Variants in RPS27L observed in about 807,000 individuals in gnomAD.
RPS27L encodes the protein ribosomal protein S27 like, also known as ribosomal protein eS27-like.
In RPS27L, 10 loss-of-function variants were observed where a neutral mutation model predicts 12.8. The ratio of observed to expected loss-of-function variants is 0.78; its 90% confidence interval spans 0.48 to 1.33. The LOEUF is 1.33. RPS27L is among the 40% of genes most tolerant of loss of function. The pLI, the probability that RPS27L is intolerant of heterozygous loss-of-function variation, is 0.00. For missense variants in RPS27L, 81 were observed against 97.4 expected, an observed-to-expected ratio of 0.83 and a Z score of 0.71; for synonymous variants, 26 against 32.3, an observed-to-expected ratio of 0.81 and a Z score of 0.66.
Position 63,153,565 on chromosome 15 carries a change from T to C in RPS27L, c.*467A>G, listed in dbSNP as rs28434769. ...TATTTAGGGTTTCTACTCTTGAAAA[T>C]GAGACACAAATTAGCCAGGCATGGT... On this transcript the variant is annotated 3_prime_UTR_variant, in exon 4 of 4. Transcript: ENST00000330964. 0.13 allele frequency: 19,685 copies of C among 153,074 alleles called. 1,690 individuals carry two copies. Among genetic ancestry groups the C allele is most frequent in the East Asian group, 0.47 (2,441 of 5,170 alleles). 9.5% of individuals were successfully genotyped at this position (153,074 alleles called of 1,614,324 possible). A position where few individuals can be genotyped will look rare whatever the true frequency, so the allele number is the denominator to read the frequency against.
In RPS27L at chr15:63,155,299, T is replaced by TAATA. The variant is rs548459666; in HGVS notation, c.226+318_226+321dup. On this transcript the variant is annotated intron_variant, in intron 3 of 3. Transcript: ENST00000330964. ...CGAGACTCCTAATAAAAAAAAAAAATAATAAATAAATAAATAAATAAATCT... is the reference window on the plus strand; with the variant it reads ...CGAGACTCCTAATAAAAAAAAAAAATAATAAATAAATAAATAAATAAATAAATCT... 39 of 227,246 alleles carry TAATA rather than the reference T, an allele frequency of 1.7e-4. 1 individual carries two copies. The highest frequency in any genetic ancestry group is 1.5e-3 in the Admixed American group (26 of 17,726). The allele number at this position is 227,246 out of a possible 1,614,324, so 14.1% of individuals were successfully genotyped here. A position where few individuals can be genotyped will look rare whatever the true frequency, so the allele number is the denominator to read the frequency against.
At position 63,153,809 on chromosome 15, in the gene RPS27L, G is replaced by A; in HGVS notation, c.*223C>T. 1 of 499,234 alleles carries A rather than the reference G, an allele frequency of 2.0e-6. No individual in the cohort carries two copies. The highest frequency in any genetic ancestry group is 2.9e-5 in the South Asian group (1 of 34,176). 30.9% of individuals were successfully genotyped at this position (499,234 alleles called of 1,614,324 possible). On this transcript the variant is annotated 3_prime_UTR_variant, in exon 4 of 4. Coordinates refer to ENST00000330964, the MANE Select transcript of RPS27L (RefSeq NM_015920.4). ...ATTCATATACACCATATATATAAAT[G>A]TATGGCATACTCAAATATATTTTAA... is the stretch of plus-strand genomic sequence containing the variant.
At chr15:63,155,782 A>G (rs1363485198) in intron 2 of RPS27L, 51 bp from the exon 3 acceptor site, 1 of 1,089,014 alleles carries the variant, frequency 9.2e-7, no homozygotes, top group Non-Finnish European at 1.3e-6. Flanking sequence ...GGAAAACAGC[A>G]CCTGTTCGAC....
intron 1 of RPS27L, 196 bp downstream of exon 1, chr15:63,157,204 C>G (rs2037338201): frequency 3.1e-6 from 2 of 649,212 alleles, no homozygotes; most frequent in South Asian, 3.4e-5. Context: ...GCAGCCCACG[C>G]CCCTGCAGGG....
At position 63,155,286 on chromosome 15, in the gene RPS27L, T is replaced by TA. The variant is rs1335351206; in HGVS notation, c.226+334dup. 8.1e-3 allele frequency: 1,288 copies of TA among 159,628 alleles called. 4 individuals carry two copies. Among genetic ancestry groups the TA allele is most frequent in the Middle Eastern group, 0.014 (5 of 366 alleles). The allele number at this position is 159,628 out of a possible 1,614,324, so 9.9% of individuals were successfully genotyped here. On this transcript the variant is annotated intron_variant, in intron 3 of 3. Transcript: ENST00000330964. Reference sequence around the variant, plus strand: ...CTGGGTGACAGAGCGAGACTCCTAATAAAAAAAAAAAATAATAAATAAATA... The same window carrying TA: ...CTGGGTGACAGAGCGAGACTCCTAATAAAAAAAAAAAAATAATAAATAAATA...
rs2037316130 is a variant in RPS27L at position 63,153,916 on chromosome 15, C to T, written c.*116G>A. 2.2e-6 allele frequency: 2 copies of T among 917,512 alleles called. No individual in the cohort carries two copies. The highest frequency in any genetic ancestry group is 3.5e-6 in the Non-Finnish European group (2 of 569,182). The allele number at this position is 917,512 out of a possible 1,614,324, so 56.8% of individuals were successfully genotyped here. A position where few individuals can be genotyped will look rare whatever the true frequency, so the allele number is the denominator to read the frequency against. On this transcript the variant is annotated 3_prime_UTR_variant, in exon 4 of 4. Coordinates refer to ENST00000330964, the MANE Select transcript of RPS27L (RefSeq NM_015920.4). ...AAAATAGGAGATTACTGCTGTATAC[C>T]TTACAAAACCAAATGTAATTACATT...
rs748811980 is a variant in RPS27L at position 63,156,473 on chromosome 15, GT to G, written c.54del (p.Lys18AsnfsTer7). On this transcript the variant is annotated frameshift_variant, in exon 2 of 4. Coordinates refer to ENST00000330964, the MANE Select transcript of RPS27L (RefSeq NM_015920.4). LOFTEE classifies it high-confidence loss of function. ...LHPSLEEEKK[K>X]HKKKRLVQSP... is the part of the protein sequence containing the mutation. ...CTTTGTACTAGGCGTTTCTTTTTAT[GT>G]TTTTTCTTTTCCTCTTCCAAGGACG... 3.2e-5 allele frequency: 52 copies of G among 1,606,814 alleles called. No homozygotes were observed. The highest frequency in any genetic ancestry group is 4.3e-5 in the Non-Finnish European group (50 of 1,176,320).
At chr15:63,154,213 T>G (rs1473150743) in intron 3 of RPS27L, 153 bp from the exon 4 acceptor site, 2 of 622,876 alleles carry the variant, frequency 3.2e-6, no homozygotes, top group African/African-American at 3.7e-5. Context: ...TACCAGAAAT[T>G]TGCTATAATA....
At chr15:63,157,016 T>TA in intron 1 of RPS27L, 1 of 357,758 alleles carries the variant, frequency 2.8e-6, no homozygotes. Context: ...GGACAGTTTT[T>TA]AAAAAAGGAA....
At chr15:63,156,319 AC>A (rs1228967797) in intron 2 of RPS27L, 93 bp downstream of exon 2, 25 of 647,418 alleles carry the variant, frequency 3.9e-5, no homozygotes, top group Middle Eastern at 4.2e-4. Flanking sequence ...CTTCTACTCA[AC>A]AGAGGGTTCT....
At position 63,153,876 on chromosome 15, in the gene RPS27L, T is replaced by C. The variant is rs942627680; in HGVS notation, c.*156A>G. ...GATTTGCCCATAATCAAAACTTTATTGAAAAACTGACACCAAAATAGGAGA... is the reference window on the plus strand; with the variant it reads ...GATTTGCCCATAATCAAAACTTTATCGAAAAACTGACACCAAAATAGGAGA... On this transcript the variant is annotated 3_prime_UTR_variant, in exon 4 of 4. Coordinates refer to ENST00000330964, the MANE Select transcript of RPS27L (RefSeq NM_015920.4). The C allele has an allele frequency of 2.1e-5, 13 of 629,272 alleles. No individual in the cohort carries two copies. Among genetic ancestry groups the C allele is most frequent in the Admixed American group, 1.6e-4 (5 of 32,102 alleles). The allele number at this position is 629,272 out of a possible 1,614,324, so 39.0% of individuals were successfully genotyped here.
chr15:63,157,467 A>G lies in RPS27L; in HGVS notation c.-62T>C. On this transcript the variant is annotated 5_prime_UTR_variant, in exon 1 of 4. Coordinates refer to ENST00000330964, the MANE Select transcript of RPS27L (RefSeq NM_015920.4). ...CCAGCCCACACAGCTAGCAAGCTGC[A>G]AGCGATCTGCGCTCGGCATCAACTT... The G allele has an allele frequency of 6.3e-7, 1 of 1,598,032 alleles. No homozygotes were observed. Among genetic ancestry groups the G allele is most frequent in the Non-Finnish European group, 8.6e-7 (1 of 1,165,642 alleles).
In RPS27L at chr15:63,151,789, A is replaced by G. The variant is rs979759018; in HGVS notation, c.*2243T>C. On this transcript the variant is annotated 3_prime_UTR_variant, in exon 4 of 4. Coordinates refer to ENST00000330964, the MANE Select transcript of RPS27L (RefSeq NM_015920.4). ...CCAGGAAGTTCAGTTTCAATATGAT[A>G]TGGCACTACATTCCCTTTGATGGCA... The G allele has an allele frequency of 5.3e-5, 8 of 152,176 alleles. No homozygotes were observed. The highest frequency in any genetic ancestry group is 7.3e-5 in the Non-Finnish European group (5 of 68,036). The allele number at this position is 152,176 out of a possible 1,614,324, so 9.4% of individuals were successfully genotyped here. A position where few individuals can be genotyped will look rare whatever the true frequency, so the allele number is the denominator to read the frequency against.
At chr15:63,156,851 C>T in intron 1 of RPS27L, 1 of 506,450 alleles carries the variant, frequency 2.0e-6, no homozygotes, top group Non-Finnish European at 3.4e-6. Context: ...GAAAGTGACC[C>T]CGACTGTGGA....
intron 3 of RPS27L, 151 bp downstream of exon 3, chr15:63,155,470 C>G: frequency 2.0e-6 from 1 of 508,138 alleles, no homozygotes; most frequent in South Asian, 3.3e-5. Context: ...ATAAATATAT[C>G]CATTTGAACA....
At chr15:63,156,353 C>A in intron 2 of RPS27L, 60 bp downstream of exon 2, 1 of 852,614 alleles carries the variant, frequency 1.2e-6, no homozygotes, top group Admixed American at 2.4e-5. Flanking sequence ...CTATACACAC[C>A]ACACTAGCAA....
rs1323313901 is a variant in RPS27L, at chr15:63,149,901, C to G, written c.*4131G>C. ...CAGCCTGGGCAACATGGCGAAACCCCATCTCTACAAAAAATACAAAAAATT... is the reference window on the plus strand; with the variant it reads ...CAGCCTGGGCAACATGGCGAAACCCGATCTCTACAAAAAATACAAAAAATT... On this transcript the variant is annotated 3_prime_UTR_variant, in exon 4 of 4. Transcript: ENST00000330964. 1 of 152,062 alleles carries G rather than the reference C, an allele frequency of 6.6e-6. No individual in the cohort carries two copies. 9.4% of individuals were successfully genotyped at this position (152,062 alleles called of 1,614,324 possible).
At position 63,152,423 on chromosome 15, in the gene RPS27L, A is replaced by G. The variant is rs1163856474; in HGVS notation, c.*1609T>C. ...GCCTGAAAAAAATTACTGAGATTCT[A>G]ATGATGTCAGAAACTAAAAGTCTGA... On this transcript the variant is annotated 3_prime_UTR_variant, in exon 4 of 4. Coordinates refer to ENST00000330964, the MANE Select transcript of RPS27L (RefSeq NM_015920.4). The G allele has an allele frequency of 1.3e-5, 2 of 151,894 alleles. No individual in the cohort carries two copies. The highest frequency in any genetic ancestry group is 2.9e-5 in the Non-Finnish European group (2 of 68,002). 9.4% of individuals were successfully genotyped at this position (151,894 alleles called of 1,614,324 possible).
In RPS27L at chr15:63,154,059, C is replaced by A. The variant is rs762519461; in HGVS notation, c.228G>T (p.Gly76=). Residue 76 remains glycine (G), a splice_region_variant and synonymous_variant, in exon 4 of 4, where the codon GGG becomes GGT. Coordinates refer to ENST00000330964, the MANE Select transcript of RPS27L (RefSeq NM_015920.4). The stretch of plus-strand genomic sequence containing the variant: ...AGTGTTGCTTTCTTCTAAATGAACA[C>A]CCTGCAAAAGAATCATGAGAGTATA... The part of the protein sequence containing the change: ...PTGGKARLTE[G]CSFRRKQH The A allele has an allele frequency of 1.2e-6, 2 of 1,607,674 alleles. No individual in the cohort carries two copies. The highest frequency in any genetic ancestry group is 1.7e-6 in the Non-Finnish European group (2 of 1,174,962).
Sources: allele counts gnomAD v4.1 joint callset, GRCh38; gene constraint gnomAD v4.1.1; transcripts MANE v1.5; gene names NCBI Gene and HGNC (gene_info 2026-07-23, HGNC 2026-07-21).